Variants in RELA observed in about 807,000 individuals in gnomAD.
RELA encodes RELA proto-oncogene, NF-kB subunit, also known as transcription factor p65.
Under a neutral mutation model 56.7 loss-of-function variants are expected in RELA, and 14 were observed. That is an observed-to-expected ratio of 0.25 (90% confidence interval 0.16 to 0.39). The LOEUF (loss-of-function observed/expected upper bound fraction) is 0.39. RELA is among the 10% of genes least tolerant of loss of function. The pLI is 1.00. For synonymous variants in RELA, 315 were observed against 289.7 expected, an observed-to-expected ratio of 1.09 and a Z score of -0.89; for missense variants, 559 against 736.4, an observed-to-expected ratio of 0.76 and a Z score of 2.79.
chr11:65,655,425 C>T (rs1390821442), intron 10 of RELA: 1 of 585,930 alleles, frequency 1.7e-6, no homozygotes, highest in African/African-American at 1.9e-5. Flanking sequence ...TTTGTTCCCC[C>T]AATTCAAGTG....
chr11:65,657,623 A>G (rs1193409902), intron 8 of RELA, among the ~76,000 whole-genome samples: 2 of 152,168 alleles, frequency 1.3e-5, no homozygotes, highest in African/African-American at 2.4e-5. Flanking sequence ...TGCCTGGAGA[A>G]CACACTTCTG....
rs1279622768 is a variant in RELA, at chr11:65,654,226, C to T, written c.*152G>A. 3 of 915,096 alleles carry T rather than the reference C, an allele frequency of 3.3e-6. No homozygotes were observed. The highest frequency in any genetic ancestry group is 5.3e-6 in the Non-Finnish European group (3 of 569,132). The allele number at this position is 915,096 out of a possible 1,614,324, so 56.7% of individuals were successfully genotyped here. A position where few individuals can be genotyped will look rare whatever the true frequency, so the allele number is the denominator to read the frequency against. ...AAAGAGAGAGAGATACAGATACTGACAATAAAAGAATAAAATATGGCTCCC... is the reference window on the plus strand; with the variant it reads ...AAAGAGAGAGAGATACAGATACTGATAATAAAAGAATAAAATATGGCTCCC... On this transcript the variant is annotated 3_prime_UTR_variant, in exon 11 of 11. Coordinates refer to ENST00000406246, the MANE Select transcript of RELA (RefSeq NM_021975.4).
In RELA at chr11:65,654,159, C is replaced by A; in HGVS notation, c.*219G>T. 2 of 663,424 alleles carry A rather than the reference C, an allele frequency of 3.0e-6. No homozygotes were observed. The highest frequency in any genetic ancestry group is 5.4e-6 in the Non-Finnish European group (2 of 372,976). 41.1% of individuals were successfully genotyped at this position (663,424 alleles called of 1,614,324 possible). ...AAAAGTTTGAGTTTCCCCAGCTCCCCCCTTTCCAGAGAAGTTAATGCTTCT... is the reference window on the plus strand; with the variant it reads ...AAAAGTTTGAGTTTCCCCAGCTCCCACCTTTCCAGAGAAGTTAATGCTTCT... On this transcript the variant is annotated 3_prime_UTR_variant, in exon 11 of 11. Coordinates refer to ENST00000406246, the MANE Select transcript of RELA (RefSeq NM_021975.4).
chr11:65,661,404 C>T (rs1264967672), intron 4 of RELA: 12 of 345,432 alleles, frequency 3.5e-5, no homozygotes, highest in Non-Finnish European at 5.3e-6. Context: ...TGGTTTTCTT[C>T]CTCAAACAAG....
At chr11:65,657,360 T>C (rs576302938) in intron 8 of RELA, among the ~76,000 whole-genome samples, 1 of 152,294 alleles carries the variant, frequency 6.6e-6, no homozygotes, top group South Asian at 2.1e-4. Flanking sequence ...CATCTTCTCT[T>C]CCTGGACTAC....
intron 5 of RELA, 105 bp from the exon 6 acceptor site, chr11:65,659,902 A>G: frequency 7.0e-7 from 1 of 1,421,856 alleles, no homozygotes; most frequent in South Asian, 1.3e-5. Context: ...TGCGTGTGTG[A>G]AACACAAGTC....
rs754095023 is a variant in RELA, at chr11:65,654,318, C to T, written c.*60G>A. 1 of 1,610,522 alleles carries T rather than the reference C, an allele frequency of 6.2e-7. No homozygotes were observed. Among genetic ancestry groups the T allele is most frequent in the South Asian group, 1.1e-5 (1 of 90,408 alleles). Reference sequence around the variant, plus strand: ...CACACCCCACCAGAATCCGTAAGTGCTTTTGGAGGGCTTCAATCCCCTGCA... The same window carrying T: ...CACACCCCACCAGAATCCGTAAGTGTTTTTGGAGGGCTTCAATCCCCTGCA... On this transcript the variant is annotated 3_prime_UTR_variant, in exon 11 of 11. Transcript: ENST00000406246.
In RELA at chr11:65,661,877, C is replaced by A. The variant is rs369887163; in HGVS notation, c.187-42G>T. Reference sequence around the variant, plus strand: ...GGCCCAGACATCCAAACCTGACTCCCAAACACAGAGGGCTGGGGTTCCACA... The same window carrying A: ...GGCCCAGACATCCAAACCTGACTCCAAAACACAGAGGGCTGGGGTTCCACA... On this transcript the variant is annotated intron_variant, in intron 3 of 10. Coordinates refer to ENST00000406246, the MANE Select transcript of RELA (RefSeq NM_021975.4). The A allele has an allele frequency of 1.9e-6, 3 of 1,602,778 alleles. No homozygotes were observed. The African/African-American group carries it at 4.0e-5, about 21-fold the overall frequency.
In RELA at chr11:65,654,138, G is replaced by GT. The variant is rs1470720207; in HGVS notation, c.*239dup. 7 of 585,484 alleles carry GT rather than the reference G, an allele frequency of 1.2e-5. No homozygotes were observed. Among genetic ancestry groups the GT allele is most frequent in the Admixed American group, 5.2e-5 (2 of 38,564 alleles). The allele number at this position is 585,484 out of a possible 1,614,324, so 36.3% of individuals were successfully genotyped here. A position where few individuals can be genotyped will look rare whatever the true frequency, so the allele number is the denominator to read the frequency against. ...AGCTGACCATCAGGACAGGGGAAAA[G>GT]TTTGAGTTTCCCCAGCTCCCCCCTT... On this transcript the variant is annotated 3_prime_UTR_variant, in exon 11 of 11. Coordinates refer to ENST00000406246, the MANE Select transcript of RELA (RefSeq NM_021975.4).
In RELA at chr11:65,655,717, G is replaced by C. The variant is rs757592217; in HGVS notation, c.1004C>G (p.Ser335Cys). Residue 335 changes from serine (S) to cysteine (C), a missense_variant, in exon 10 of 11, where the codon TCC (serine) becomes TGC (cysteine). Around this residue, in one of 4 missense-constraint regions of RELA, gnomAD observed 365 missense variants for 387.5 expected, o/e 0.94. Transcript: ENST00000406246. ...CTTGGGGACAGAAGCTGAGCTGCGG[G>C]AAGGCACAGCAATGCGTCGAGGTGG... is the stretch of plus-strand genomic sequence containing the variant. ...RPPPRRIAVP[S>C]RSSASVPKPA... 6.2e-7 allele frequency: 1 copy of C among 1,614,144 alleles called. No homozygotes were observed. Among genetic ancestry groups the C allele is most frequent in the Non-Finnish European group, 8.5e-7 (1 of 1,180,016 alleles).
At position 65,658,565 on chromosome 11, in the gene RELA, C is replaced by T; in HGVS notation, c.665-66G>A. 2.1e-6 allele frequency: 3 copies of T among 1,450,864 alleles called. No individual in the cohort carries two copies. The highest frequency in any genetic ancestry group is 2.9e-6 in the Non-Finnish European group (3 of 1,048,456). The allele number at this position is 1,450,864 out of a possible 1,614,324, so 89.9% of individuals were successfully genotyped here. On this transcript the variant is annotated intron_variant, in intron 7 of 10. Transcript: ENST00000406246. This position sits in a 1 kb window ranked among gnomAD's most constrained non-coding sequence, Gnocchi z 4.5. ...CCCTCCATGGTCTCCCCCTCAACTT[C>T]TGATGCTTGTCTTCTGATACATCAC...
Position 65,661,850 on chromosome 11 carries a change from G to A in RELA, c.187-15C>T. On this transcript the variant is annotated splice_polypyrimidine_tract_variant and intron_variant, in intron 3 of 10. Coordinates refer to ENST00000406246, the MANE Select transcript of RELA (RefSeq NM_021975.4). Reference sequence around the variant, plus strand: ...TAGCCATTGATCTGTCCAAAGTACAGAGGCCCAGACATCCAAACCTGACTC... The same window carrying A: ...TAGCCATTGATCTGTCCAAAGTACAAAGGCCCAGACATCCAAACCTGACTC... 6.2e-7 allele frequency: 1 copy of A among 1,605,182 alleles called. No individual in the cohort carries two copies. The highest frequency in any genetic ancestry group is 2.2e-5 in the East Asian group (1 of 44,708).
Position 65,655,860 on chromosome 11 carries a change from A to G in RELA, c.953T>C (p.Phe318Ser), listed in dbSNP as rs760929899. ...TTTCCCAGTCCCCATCTCACCGCTG[A>G]AAGGACTCTTCTTCATGATGCTCTT... is the stretch of plus-strand genomic sequence containing the variant. ...TFKSIMKKSP[F>S]SGPTDPRPPP... The change falls in exon 9 of 11, where the codon TTC becomes TCC. Residue 318 changes from phenylalanine (F) to serine (S), a missense_variant. Phe to Ser is a radical substitution (Grantham distance 155, BLOSUM62 -2). Coordinates refer to ENST00000406246, the MANE Select transcript of RELA (RefSeq NM_021975.4). 6.2e-7 allele frequency: 1 copy of G among 1,614,006 alleles called. No homozygotes were observed. The highest frequency in any genetic ancestry group is 1.7e-5 in the Admixed American group (1 of 60,004).
At position 65,656,806 on chromosome 11, in the gene RELA, C is replaced by T. The variant is rs371670003; in HGVS notation, c.878-871G>A. 9.8e-4 allele frequency among the ~76,000 whole-genome samples: 149 copies of T among 152,250 alleles called. 1 individual carries two copies. In the South Asian group the frequency reaches 0.029, roughly 30 times the overall value. ...TTGGGAGGTCGAGGCGGGTGGATCACGAGGTCAAGAGATCGAGACCACCCT... is the reference window on the plus strand; with the variant it reads ...TTGGGAGGTCGAGGCGGGTGGATCATGAGGTCAAGAGATCGAGACCACCCT... On this transcript the variant is annotated intron_variant, in intron 8 of 10. Coordinates refer to ENST00000406246, the MANE Select transcript of RELA (RefSeq NM_021975.4).
At chr11:65,655,424 CCAATT>C in intron 10 of RELA, 2 of 585,460 alleles carry the variant, frequency 3.4e-6, no homozygotes, top group Non-Finnish European at 6.1e-6. Flanking sequence ...TTTTGTTCCC[CCAATT>C]CAAGTGAGAG....
chr11:65,662,491 T>A, intron 1 of RELA: 1 of 470,810 alleles, frequency 2.1e-6, no homozygotes, highest in Non-Finnish European at 3.7e-6. Flanking sequence ...CCCACCTCCC[T>A]CCAGAGAGGA....
Position 65,662,820 on chromosome 11 carries a change from C to T in RELA, c.7+6G>A. The T allele has an allele frequency of 8.3e-7, 1 of 1,200,342 alleles. No homozygotes were observed. The highest frequency in any genetic ancestry group is 1.0e-6 in the Non-Finnish European group (1 of 967,604). 74.4% of individuals were successfully genotyped at this position (1,200,342 alleles called of 1,614,324 possible). A position where few individuals can be genotyped will look rare whatever the true frequency, so the allele number is the denominator to read the frequency against. On this transcript the variant is annotated splice_donor_region_variant and intron_variant, in intron 1 of 10. Coordinates refer to ENST00000406246, the MANE Select transcript of RELA (RefSeq NM_021975.4). ...GCCACCCCGCGGGGTCAGAGGGCGA[C>T]CTCACCGTCCATGGCCGGGGTCCCG...
chr11:65,659,994 A>C, intron 5 of RELA, 130 bp downstream of exon 5: 5 of 1,162,632 alleles, frequency 4.3e-6, no homozygotes, highest in Non-Finnish European at 3.8e-6. Flanking sequence ...CCCAGTGGTA[A>C]AGTGGGAGAG....
intron 8 of RELA, 38 bp from the exon 9 acceptor site, chr11:65,655,973 T>A: frequency 6.3e-7 from 1 of 1,575,034 alleles, no homozygotes; most frequent in Non-Finnish European, 8.7e-7. Flanking sequence ...CTTGCTCTCC[T>A]CAGGTGGGTC....
Sources: gnomAD v4.1 joint callset for allele counts (sites outside exome capture counted in the v4.1 genomes callset) on GRCh38, gnomAD v4.1.1 for gene constraint, gnomAD v4.1.1 regional missense constraint, Gnocchi (gnomAD v3.1) non-coding constraint, MANE v1.5 for transcripts, NCBI Gene and HGNC (gene_info 2026-07-23, HGNC 2026-07-21) for gene names.